SCN7A: variants seen among roughly 807,000 people sequenced by gnomAD.
The protein encoded by SCN7A is sodium voltage-gated channel alpha subunit 7.
SCN7A carries 138 observed loss-of-function variants against 155.2 expected under a neutral mutation model. The ratio of observed to expected loss-of-function variants is 0.89; its 90% CI spans 0.77 to 1.02. The LOEUF (loss-of-function observed/expected upper bound fraction) is 1.02, where lower values mean the gene tolerates loss of function less well. Ranked by LOEUF, SCN7A falls within the 50% of genes least tolerant of loss-of-function variation. The probability of loss-of-function intolerance (pLI) is 0.00; values close to 1 mark genes in which losing one functional copy is unlikely to be tolerated. For missense variants in SCN7A, 2,058 were observed against 1,986.6 expected (o/e 1.04, Z -0.68); for synonymous variants, 693 against 649.0 (o/e 1.07, Z -1.03).
intron 7 of SCN7A, among the ~76,000 whole-genome samples, chr2:166,467,745 T>A (rs1047491598): frequency 4.0e-5 from 6 of 151,804 alleles, no homozygotes; most frequent in Non-Finnish European, 7.4e-5. Flanking sequence ...CCTTTTAAAT[T>A]TTAACCTTTG....
chr2:166,486,587 AT>A (rs1374171915), intron 2 of SCN7A, among the ~76,000 whole-genome samples: 1 of 152,194 alleles, frequency 6.6e-6, no homozygotes. Context: ...TGGAGTGCAT[AT>A]CAGAAATCTC....
At position 166,465,766 on chromosome 2, in the gene SCN7A, C is replaced by T. The variant is rs764828173; in HGVS notation, c.871+15G>A. The T allele has an allele frequency of 3.7e-6, 6 of 1,612,210 alleles. No homozygotes were observed. Among genetic ancestry groups the T allele is most frequent in the Non-Finnish European group, 5.1e-6 (6 of 1,178,708 alleles). On this transcript the variant is annotated intron_variant, in intron 8 of 25. Transcript: ENST00000643258. ...AAGTTTCAATTTTTGATATACATGG[C>T]AAGGTGATTCTTACCTCGAATATAA...
At chr2:166,414,112 A>AC (rs1701279008) in intron 21 of SCN7A, among the ~76,000 whole-genome samples, 1 of 84,924 alleles carries the variant, frequency 1.2e-5, no homozygotes, top group Non-Finnish European at 2.0e-5. Flanking sequence ...ATTATATATA[A>AC]ATATATATAA....
At position 166,465,445 on chromosome 2, in the gene SCN7A, A is replaced by C; in HGVS notation, c.941+17T>G. Reference sequence around the variant, plus strand: ...CAGGTGATAATGATTTAATAGAATAAAACTAATACCACCTACCCAGCATCT... The same window carrying C: ...CAGGTGATAATGATTTAATAGAATACAACTAATACCACCTACCCAGCATCT... On this transcript the variant is annotated intron_variant, in intron 9 of 25. Coordinates refer to ENST00000643258, the MANE Select transcript of SCN7A (RefSeq NM_002976.4). 6.4e-7 allele frequency: 1 copy of C among 1,572,062 alleles called. No homozygotes were observed. The highest frequency in any genetic ancestry group is 8.7e-7 in the Non-Finnish European group (1 of 1,145,204).
Position 166,465,911 on chromosome 2 carries a change from A to T in SCN7A, c.741T>A (p.Phe247Leu), listed in dbSNP as rs763793011. ...TCCCAATTAGAGAAAATATGCTCAG[A>T]AAAAACAGAGTTAGGATAATGACAC... is the stretch of plus-strand genomic sequence containing the variant. ...LIGVIILTLF[F>L]LSIFSLIGMG... Residue 247 changes from phenylalanine to leucine, a missense_variant, in exon 8 of 26, where the codon TTT (phenylalanine) becomes TTA (leucine). Phe to Leu is a conservative substitution (Grantham distance 22). Transcript: ENST00000643258. The T allele has an allele frequency of 5.6e-6, 9 of 1,613,854 alleles. No individual in the cohort carries two copies. Among genetic ancestry groups the T allele is most frequent in the Non-Finnish European group, 7.6e-6 (9 of 1,179,824 alleles).
intron 11 of SCN7A, among the ~76,000 whole-genome samples, chr2:166,452,955 G>A (rs1054730179): frequency 1.3e-5 from 2 of 152,028 alleles, no homozygotes; most frequent in African/African-American, 4.8e-5. Context: ...CCTAAATATA[G>A]TCAAAGACAA....
At chr2:166,477,775 T>A in intron 2 of SCN7A, 65 bp from the exon 3 acceptor site, 1 of 1,025,140 alleles carries the variant, frequency 9.8e-7, no homozygotes, top group Non-Finnish European at 1.4e-6. Context: ...AAGATTAGGA[T>A]ACGAAAAATA....
intron 2 of SCN7A, among the ~76,000 whole-genome samples, chr2:166,479,093 A>G (rs1188538343): frequency 6.6e-6 from 1 of 152,048 alleles, no homozygotes; most frequent in African/African-American, 2.4e-5. Flanking sequence ...GGCATTTTGC[A>G]TCTGTGTATT....
chr2:166,487,601 C>T (rs545932441), intron 1 of SCN7A, among the ~76,000 whole-genome samples: 5 of 152,240 alleles, frequency 3.3e-5, no homozygotes, highest in East Asian at 3.9e-4. Context: ...GAATCAATCT[C>T]TGTGCTTTCT....
intron 18 of SCN7A, among the ~76,000 whole-genome samples, chr2:166,425,660 C>T (rs1701606729): frequency 6.6e-6 from 1 of 151,958 alleles, no homozygotes; most frequent in Admixed American, 6.6e-5. Flanking sequence ...AGGATGACAC[C>T]CGAATCTCTG....
At chr2:166,461,409 T>C (rs1229204542) in intron 10 of SCN7A, among the ~76,000 whole-genome samples, 1 of 152,188 alleles carries the variant, frequency 6.6e-6, no homozygotes, top group Admixed American at 6.5e-5. Flanking sequence ...ATGAATATCA[T>C]ACCTTTCTGA....
At chr2:166,465,572 G>GT (rs1702511859) in intron 8 of SCN7A, 41 bp from the exon 9 acceptor site, 42 of 1,439,240 alleles carry the variant, frequency 2.9e-5, no homozygotes, top group Non-Finnish European at 3.8e-5. Context: ...ATGTAATTAT[G>GT]AGTTAGCACC....
intron 10 of SCN7A, among the ~76,000 whole-genome samples, chr2:166,461,434 T>C (rs1414803535): frequency 1.3e-5 from 2 of 152,310 alleles, no homozygotes; most frequent in South Asian, 2.1e-4. Flanking sequence ...CTATGACACA[T>C]ACATAATTAG....
intron 17 of SCN7A, 63 bp downstream of exon 17, chr2:166,429,106 T>G (rs1701680349): frequency 1.1e-6 from 1 of 875,240 alleles, no homozygotes; most frequent in Non-Finnish European, 1.8e-6. Flanking sequence ...ATATGGAACA[T>G]ATACATTTTG....
Position 166,427,954 on chromosome 2 carries a change from G to A in SCN7A, c.2699-12C>T. The A allele has an allele frequency of 6.2e-7, 1 of 1,611,512 alleles. No individual in the cohort carries two copies. Among genetic ancestry groups the A allele is most frequent in the South Asian group, 1.1e-5 (1 of 90,818 alleles). ...TCCGCGTCTGCAACCTGTCAAGATT[G>A]AATTGGTAAGAACAACAATCTAGAA... On this transcript the variant is annotated splice_polypyrimidine_tract_variant and intron_variant, in intron 17 of 25. Transcript: ENST00000643258.
intron 10 of SCN7A, 197 bp downstream of exon 10, chr2:166,462,192 G>T: frequency 4.5e-6 from 2 of 442,922 alleles, no homozygotes; most frequent in Non-Finnish European, 7.8e-6. Flanking sequence ...TTGTTTCAAA[G>T]ATTAAATAAG....
At chr2:166,459,965 AG>A in intron 10 of SCN7A, among the ~76,000 whole-genome samples, 1 of 151,944 alleles carries the variant, frequency 6.6e-6, no homozygotes. Flanking sequence ...ATCACGTACC[AG>A]GGGGCCTGTC....
chr2:166,435,266 G>T (rs1338348372), intron 15 of SCN7A, among the ~76,000 whole-genome samples: 1 of 151,916 alleles, frequency 6.6e-6, no homozygotes, highest in African/African-American at 2.4e-5. Flanking sequence ...TGTAAGTGGC[G>T]CAAGTTACAG....
chr2:166,467,457 T>TCA (rs1553519810), intron 7 of SCN7A, among the ~76,000 whole-genome samples: 4 of 147,352 alleles, frequency 2.7e-5, no homozygotes. Context: ...ATGTCTGTGT[T>TCA]TATATATATA....
Sources: allele counts gnomAD v4.1 joint callset (sites outside exome capture counted in the v4.1 genomes callset), GRCh38; gene constraint gnomAD v4.1.1; transcripts MANE v1.5; gene names NCBI Gene and HGNC (gene_info 2026-07-23, HGNC 2026-07-21).